Variants in LRATD1 observed in about 807,000 individuals in gnomAD.
The protein encoded by LRATD1 is LRAT domain containing 1, also known as protein LRATD1.
Under a neutral mutation model 21.3 loss-of-function variants are expected in LRATD1, and 8 were observed. That is an observed-to-expected ratio of 0.38 (90% CI 0.22 to 0.68). The LOEUF is 0.68. Ranked by LOEUF, LRATD1 falls within the 30% of genes least tolerant of loss-of-function variation. LRATD1 has a pLI of 0.54. For synonymous variants in LRATD1, 210 were observed against 186.2 expected, an observed-to-expected ratio of 1.13 and a Z score of -1.04; for missense variants, 380 against 404.0, an observed-to-expected ratio of 0.94 and a Z score of 0.51.
intron 4 of LRATD1, among the ~76,000 whole-genome samples, chr2:14,648,428 T>G (rs972084923): frequency 1.3e-5 from 2 of 152,170 alleles, no homozygotes; most frequent in African/African-American, 4.8e-5. Context: ...ACCTGTCACA[T>G]AGTGATGCTT....
downstream of LRATD1, among the ~76,000 whole-genome samples, chr2:14,644,155 G>T (rs1337553854): frequency 6.6e-6 from 1 of 151,770 alleles, no homozygotes; most frequent in Non-Finnish European, 1.5e-5. Context: ...TCAAGAACGA[G>T]ACAGGACAAA....
chr2:14,633,269 G>A lies in LRATD1; in HGVS notation c.-37+332G>A, dbSNP rs567678247. Among the ~76,000 whole-genome samples the A allele has an allele frequency of 2.0e-5, 3 of 152,332 alleles. No homozygotes were observed. The East Asian group carries it at 5.8e-4, about 30-fold the overall frequency. ...CTTGGGCGTACGTGCAACGGCGAGC[G>A]TGCAAGCGTGGAGCTGAAATTGTGT... is the stretch of plus-strand genomic sequence containing the variant. On this transcript the variant is annotated intron_variant, in intron 1 of 1. Coordinates refer to ENST00000295092, the MANE Select transcript of LRATD1 (RefSeq NM_145175.4). This position sits in a 1 kb window ranked among gnomAD's most constrained non-coding sequence, Gnocchi z 7.5.
At chr2:14,651,112 T>C (rs1464911597), downstream of LRATD1, among the ~76,000 whole-genome samples, 1 of 152,184 alleles carries the variant, frequency 6.6e-6, no homozygotes, top group East Asian at 1.9e-4. Flanking sequence ...TCTTTATTTG[T>C]ACATGGTCAT....
chr2:14,635,742 T>C lies in LRATD1; in HGVS notation c.*884T>C. On this transcript the variant is annotated 3_prime_UTR_variant, in exon 2 of 2. Coordinates refer to ENST00000295092, the MANE Select transcript of LRATD1 (RefSeq NM_145175.4). ...AAGGGCGCTTATTGTTCTGAACCCT[T>C]GATTGCTCCCTCCTCGGGCTGCATT... 1 of 395,106 alleles carries C rather than the reference T, an allele frequency of 2.5e-6. No homozygotes were observed. Among genetic ancestry groups the C allele is most frequent in the South Asian group, 1.9e-5 (1 of 52,276 alleles). The allele number at this position is 395,106 out of a possible 1,614,324, so 24.5% of individuals were successfully genotyped here.
chr2:14,637,810 G>A lies in LRATD1; in HGVS notation c.*2952G>A. 6.0e-6 allele frequency: 1 copy of A among 167,150 alleles called. No homozygotes were observed. 10.4% of individuals were successfully genotyped at this position (167,150 alleles called of 1,614,324 possible). ...TGGGCACACTTGATTTTTATTATGA[G>A]TGAATGTAATCTTTCTGTATTTTAC... On this transcript the variant is annotated 3_prime_UTR_variant, in exon 2 of 2. Transcript: ENST00000295092.
Position 14,634,322 on chromosome 2 carries a change from G to A in LRATD1, c.343G>A (p.Ala115Thr), listed in dbSNP as rs1042362523. The A allele has an allele frequency of 1.3e-6, 2 of 1,592,258 alleles. No individual in the cohort carries two copies. Among genetic ancestry groups the A allele is most frequent in the Non-Finnish European group, 1.7e-6 (2 of 1,173,548 alleles). ...GADLSVYAVT[A>T]LPALCEPGDL... Reference sequence around the variant, plus strand: ...CGACCTAAGCGTCTACGCGGTCACCGCGCTGCCAGCGCTCTGCGAACCCGG... The same window carrying A: ...CGACCTAAGCGTCTACGCGGTCACCACGCTGCCAGCGCTCTGCGAACCCGG... Residue 115 changes from alanine to threonine, a missense_variant, in exon 2 of 2, where the codon GCG (alanine) becomes ACG (threonine). Coordinates refer to ENST00000295092, the MANE Select transcript of LRATD1 (RefSeq NM_145175.4).
Position 14,639,021 on chromosome 2 carries a change from C to T in LRATD1, c.*4163C>T, listed in dbSNP as rs1458405980. On this transcript the variant is annotated 3_prime_UTR_variant, in exon 2 of 2. Transcript: ENST00000295092. ...GTACATTTACACATATGTAAGTATA[C>T]ACTCATATACATATATACACATGTA... The T allele has an allele frequency of 6.0e-6, 1 of 166,566 alleles. No homozygotes were observed. Among genetic ancestry groups the T allele is most frequent in the African/African-American group, 2.4e-5 (1 of 41,326 alleles). 10.3% of individuals were successfully genotyped at this position (166,566 alleles called of 1,614,324 possible). A position where few individuals can be genotyped will look rare whatever the true frequency, so the allele number is the denominator to read the frequency against.
rs1335035268 is a variant in LRATD1 at position 14,639,953 on chromosome 2, G to T, written c.*5095G>T. On this transcript the variant is annotated 3_prime_UTR_variant, in exon 2 of 2. Coordinates refer to ENST00000295092, the MANE Select transcript of LRATD1 (RefSeq NM_145175.4). ...AAAGGCTCTTGGAAATATAACTTAT[G>T]GGGCTTAAGGCTAATTTGAGTTGAA... The T allele has an allele frequency of 6.0e-6, 1 of 167,104 alleles. No individual in the cohort carries two copies. The highest frequency in any genetic ancestry group is 1.5e-5 in the Non-Finnish European group (1 of 68,112). The allele number at this position is 167,104 out of a possible 1,614,324, so 10.4% of individuals were successfully genotyped here. A position where few individuals can be genotyped will look rare whatever the true frequency, so the allele number is the denominator to read the frequency against.
At chr2:14,641,018 T>C (rs556199597), downstream of LRATD1, among the ~76,000 whole-genome samples, 2 of 152,216 alleles carry the variant, frequency 1.3e-5, no homozygotes, top group Admixed American at 6.5e-5. Context: ...ATAAATATGT[T>C]CCCTGCAATA....
Position 14,633,855 on chromosome 2 carries a change from G to C in LRATD1, c.-36-89G>C. 1 of 1,276,246 alleles carries C rather than the reference G, an allele frequency of 7.8e-7. No individual in the cohort carries two copies. Among genetic ancestry groups the C allele is most frequent in the Non-Finnish European group, 1.1e-6 (1 of 929,874 alleles). 79.1% of individuals were successfully genotyped at this position (1,276,246 alleles called of 1,614,324 possible). On this transcript the variant is annotated intron_variant, in intron 1 of 1. Coordinates refer to ENST00000295092, the MANE Select transcript of LRATD1 (RefSeq NM_145175.4). The surrounding 1 kb of genome is among the most constrained non-coding windows in gnomAD (Gnocchi z 7.5). The stretch of plus-strand genomic sequence containing the variant: ...TGAGGGCACGTAAGCTAGCCGGCAG[G>C]TCCCAGGGGCACTGCACGTCTTGGG...
downstream of LRATD1, among the ~76,000 whole-genome samples, chr2:14,642,413 AGT>A (rs113470998): frequency 1.3e-5 from 2 of 152,234 alleles, no homozygotes; most frequent in South Asian, 2.1e-4. Context: ...CAGGTGAGGT[AGT>A]TGTGGGTGTT....
chr2:14,634,986 GCCCGGGCCCGGGCTGCAC>G lies in LRATD1; in HGVS notation c.*132_*149del. 8.0e-7 allele frequency: 1 copy of G among 1,252,118 alleles called. No individual in the cohort carries two copies. The highest frequency in any genetic ancestry group is 1.1e-6 in the Non-Finnish European group (1 of 904,586). The allele number at this position is 1,252,118 out of a possible 1,614,324, so 77.6% of individuals were successfully genotyped here. ...CCGCCACGCGCGTCCGCCGCCGGTG[GCCCGGGCCCGGGCTGCAC>G]CCCCGCATCCCCAAGCCAGCGGCAG... On this transcript the variant is annotated 3_prime_UTR_variant, in exon 2 of 2. Transcript: ENST00000295092.
chr2:14,642,271 T>C (rs1175821989), downstream of LRATD1, among the ~76,000 whole-genome samples: 1 of 152,170 alleles, frequency 6.6e-6, no homozygotes, highest in African/African-American at 2.4e-5. Context: ...GATGGGAGAT[T>C]AGCTATACAG....
intron 2 of LRATD1, among the ~76,000 whole-genome samples, chr2:14,645,179 T>C (rs1174973045): frequency 6.6e-6 from 1 of 152,198 alleles, no homozygotes; most frequent in Non-Finnish European, 1.5e-5. Flanking sequence ...GTGTTTCCAA[T>C]GGCCTTTGGC....
rs572074270 is a variant in LRATD1 at position 14,638,057 on chromosome 2, T to A, written c.*3199T>A. 2 of 166,772 alleles carry A rather than the reference T, an allele frequency of 1.2e-5. No homozygotes were observed. The highest frequency in any genetic ancestry group is 4.1e-4 in the South Asian group (2 of 4,824). 10.3% of individuals were successfully genotyped at this position (166,772 alleles called of 1,614,324 possible). ...AACTTTCAGGTAAAACAAACTATGA[T>A]TTAAAAAAAGAAAAAAGAAAAGACA... On this transcript the variant is annotated 3_prime_UTR_variant, in exon 2 of 2. Coordinates refer to ENST00000295092, the MANE Select transcript of LRATD1 (RefSeq NM_145175.4).
intron 4 of LRATD1, among the ~76,000 whole-genome samples, chr2:14,648,254 G>A (rs768843889): frequency 6.6e-6 from 1 of 152,060 alleles, no homozygotes; most frequent in Non-Finnish European, 1.5e-5. Flanking sequence ...TATTTTATTA[G>A]CACAGCAGTT....
chr2:14,633,700 T>G lies in LRATD1; in HGVS notation c.-36-244T>G. ...CAGCCTGGGTGTTTTCTTCTGGGAG[T>G]TGGACCGAGTTCCCGGAAGGGGTCG... On this transcript the variant is annotated intron_variant, in intron 1 of 1. Transcript: ENST00000295092. The surrounding 1 kb of genome is among the most constrained non-coding windows in gnomAD (Gnocchi z 7.5). 2.3e-6 allele frequency: 1 copy of G among 432,258 alleles called. No homozygotes were observed. The highest frequency in any genetic ancestry group is 4.2e-6 in the Non-Finnish European group (1 of 239,640). 26.8% of individuals were successfully genotyped at this position (432,258 alleles called of 1,614,324 possible).
chr2:14,646,622 A>G (rs961726028), intron 4 of LRATD1, among the ~76,000 whole-genome samples: 1 of 152,186 alleles, frequency 6.6e-6, no homozygotes, highest in African/African-American at 2.4e-5. Flanking sequence ...TAAAAAGTGT[A>G]TTTGCAATTT....
At chr2:14,646,533 A>C (rs891798875) in intron 4 of LRATD1, 1 of 152,182 alleles carries the variant, frequency 6.6e-6, no homozygotes, top group African/African-American at 2.4e-5. Flanking sequence ...TGTTGGGAAA[A>C]ATGTCTTTCA....
Sources: gnomAD v4.1 joint callset for allele counts (sites outside exome capture counted in the v4.1 genomes callset) on GRCh38, gnomAD v4.1.1 for gene constraint, Gnocchi (gnomAD v3.1) non-coding constraint, MANE v1.5 for transcripts, NCBI Gene and HGNC (gene_info 2026-07-23, HGNC 2026-07-21) for gene names.